The following MICU3 variants were observed in gnomAD, a reference collection of about 807,000 sequenced individuals.
MICU3 encodes calcium uptake protein 3, mitochondrial.
A neutral mutation model predicts 66.5 loss-of-function variants in MICU3; 62 were observed. The ratio of observed to expected loss-of-function variants is 0.93; its 90% CI spans 0.76 to 1.15. The LOEUF (loss-of-function observed/expected upper bound fraction) is 1.15, where lower values mean the gene tolerates loss of function less well. Among genes scored for constraint, MICU3 ranks in the 50% most tolerant of loss-of-function variants. MICU3 has a pLI of 0.00. For synonymous variants in MICU3, 308 were observed against 240.7 expected, an observed-to-expected ratio of 1.28 and a Z score of -2.59; for missense variants, 779 against 664.4, an observed-to-expected ratio of 1.17 and a Z score of -1.90.
chr8:17,038,511 G>A (rs575014885), intron 1 of MICU3, among the ~76,000 whole-genome samples: 161 of 152,214 alleles, frequency 1.1e-3, no homozygotes, highest in Middle Eastern at 3.4e-3. Flanking sequence ...ACCCAGTCTC[G>A]GGTATGTATT....
chr8:17,130,384 G>C, the MICU3 span, among the ~76,000 whole-genome samples: 19 of 152,076 alleles, frequency 1.2e-4, no homozygotes, highest in East Asian at 3.5e-3. Context: ...TTAGCCGGGC[G>C]TGGTGGCGCA....
Position 17,027,629 on chromosome 8 carries a change from T to C in MICU3, c.350T>C (p.Leu117Pro). The change falls in exon 1 of 15, where the codon CTG becomes CCG. Residue 117 changes from leucine to proline, a missense_variant. Transcript: ENST00000318063. The part of the protein sequence containing the change: ...PEDPPRGRGM[L>P]PIPVAAAKET... ...GACCCGCCCCGCGGCCGGGGGATGC[T>C]GCCCATCCCAGTGGCGGCTGCCAAG... is the stretch of plus-strand genomic sequence containing the variant. 7.6e-7 allele frequency: 1 copy of C among 1,307,592 alleles called. No homozygotes were observed. The highest frequency in any genetic ancestry group is 9.7e-7 in the Non-Finnish European group (1 of 1,031,728). 81.0% of individuals were successfully genotyped at this position (1,307,592 alleles called of 1,614,324 possible). A position where few individuals can be genotyped will look rare whatever the true frequency, so the allele number is the denominator to read the frequency against.
intron 1 of MICU3, among the ~76,000 whole-genome samples, chr8:17,035,958 G>T (rs1812901524): frequency 6.6e-6 from 1 of 152,106 alleles, no homozygotes; most frequent in Non-Finnish European, 1.5e-5. Flanking sequence ...AGCCTAGGAG[G>T]AAAAAATGGT....
intron 7 of MICU3, among the ~76,000 whole-genome samples, chr8:17,090,301 A>T (rs886153951): frequency 6.6e-6 from 1 of 152,154 alleles, no homozygotes; most frequent in African/African-American, 2.4e-5. Context: ...TTAGAAGGTT[A>T]TAATGAAATG....
intron 1 of MICU3, among the ~76,000 whole-genome samples, chr8:17,057,869 C>T (rs776963130): frequency 2.0e-5 from 3 of 148,508 alleles, no homozygotes; most frequent in East Asian, 2.0e-4. Flanking sequence ...GTTGTTGAGA[C>T]GGAGTTTCAC....
At chr8:17,086,912 G>A (rs2150744488) in intron 6 of MICU3, 52 bp from the exon 7 acceptor site, 1 of 1,215,444 alleles carries the variant, frequency 8.2e-7, no homozygotes. Context: ...TAGTAGATAG[G>A]TGCCCAGAAA....
intron 13 of MICU3, 91 bp from the exon 14 acceptor site, chr8:17,118,616 T>G: frequency 8.6e-6 from 7 of 811,538 alleles, no homozygotes; most frequent in Non-Finnish European, 1.4e-5. Context: ...TCCACTTCTA[T>G]GAGTTTGACT....
intron 3 of MICU3, among the ~76,000 whole-genome samples, chr8:17,076,186 C>T (rs1315923117): frequency 6.6e-6 from 1 of 151,954 alleles, no homozygotes; most frequent in Non-Finnish European, 1.5e-5. Flanking sequence ...CGCCACCATG[C>T]CCAGCTAATT....
chr8:17,084,786 G>C (rs1799286729), intron 5 of MICU3, among the ~76,000 whole-genome samples: 1 of 152,140 alleles, frequency 6.6e-6, no homozygotes, highest in Middle Eastern at 3.4e-3. Context: ...GCCTCTAGAA[G>C]TTTAAACTAT....
intron 1 of MICU3, among the ~76,000 whole-genome samples, chr8:17,049,140 T>C (rs534786639): frequency 6.6e-6 from 1 of 152,320 alleles, no homozygotes; most frequent in East Asian, 1.9e-4. Context: ...AGACTAAATT[T>C]CTAAACAATA....
chr8:17,057,934 A>T (rs1231848326), intron 1 of MICU3, among the ~76,000 whole-genome samples: 1 of 151,824 alleles, frequency 6.6e-6, no homozygotes, highest in Non-Finnish European at 1.5e-5. Context: ...TGCAGCCTCT[A>T]CGTCTCAGGT....
At chr8:17,082,562 T>G (rs1585396729) in intron 5 of MICU3, among the ~76,000 whole-genome samples, 2 of 152,170 alleles carry the variant, frequency 1.3e-5, no homozygotes, top group East Asian at 3.9e-4. Flanking sequence ...GGCAAAGATT[T>G]TTTCTTTTTT....
At chr8:17,110,740 G>GA (rs1802121842) in intron 11 of MICU3, among the ~76,000 whole-genome samples, 1 of 145,578 alleles carries the variant, frequency 6.9e-6, no homozygotes, top group Non-Finnish European at 1.5e-5. Flanking sequence ...TTTTTTTGGG[G>GA]AGGGGGGGGT....
intron 11 of MICU3, among the ~76,000 whole-genome samples, chr8:17,105,786 T>G (rs1326051738): frequency 6.6e-6 from 1 of 152,086 alleles, no homozygotes. Flanking sequence ...CACATTTTTC[T>G]TAGGTATTTC....
intron 1 of MICU3, among the ~76,000 whole-genome samples, chr8:17,059,121 C>G (rs1817435310): frequency 6.6e-6 from 1 of 152,128 alleles, no homozygotes; most frequent in Non-Finnish European, 1.5e-5. Flanking sequence ...ACTATATAAG[C>G]TTAAAAGAAT....
downstream of MICU3, among the ~76,000 whole-genome samples, chr8:17,126,305 T>C (rs1803405103): frequency 6.6e-6 from 1 of 152,152 alleles, no homozygotes; most frequent in African/African-American, 2.4e-5. Flanking sequence ...CTATGGTCTA[T>C]GAGTTTATTA....
intron 9 of MICU3, among the ~76,000 whole-genome samples, chr8:17,098,934 T>C (rs553722490): frequency 1.3e-5 from 2 of 151,812 alleles, no homozygotes; most frequent in Admixed American, 6.6e-5. Flanking sequence ...GTATTGATAG[T>C]GAGTGGCTTA....
Position 17,098,541 on chromosome 8 carries a change from A to C in MICU3, c.972A>C (p.Ser324=). The change falls in exon 9 of 15, where the codon TCA becomes TCC. Residue 324 remains serine, a synonymous_variant. Transcript: ENST00000318063. ...GTAACACAAGCCAAGCACTGTTTTCAGACCTCGCAGAGGTATAATTAAACC... is the reference window on the plus strand; with the variant it reads ...GTAACACAAGCCAAGCACTGTTTTCCGACCTCGCAGAGGTATAATTAAACC... The part of the protein sequence containing the change: ...LRRNTSQALF[S]DLAERADDIT... 6.2e-7 allele frequency: 1 copy of C among 1,607,414 alleles called. No homozygotes were observed. The highest frequency in any genetic ancestry group is 8.5e-7 in the Non-Finnish European group (1 of 1,174,438).
chr8:17,039,116 C>G (rs1208812353), intron 1 of MICU3, among the ~76,000 whole-genome samples: 1 of 152,126 alleles, frequency 6.6e-6, no homozygotes, highest in African/African-American at 2.4e-5. Context: ...CTCAGATGAT[C>G]ATTAGCACTT....
Sources: allele counts gnomAD v4.1 joint callset (sites outside exome capture counted in the v4.1 genomes callset), GRCh38; gene constraint gnomAD v4.1.1; transcripts MANE v1.5; gene names NCBI Gene and HGNC (gene_info 2026-07-23, HGNC 2026-07-21).